Variants in HNRNPL observed in about 807,000 individuals in gnomAD.
HNRNPL encodes the protein heterogeneous nuclear ribonucleoprotein L.
Under a neutral mutation model 64.0 loss-of-function variants are expected in HNRNPL, and 12 were observed. The ratio of observed to expected loss-of-function variants is 0.19; its 90% CI spans 0.12 to 0.30. The LOEUF is 0.30. HNRNPL is among the 10% of genes least tolerant of loss of function. The pLI, the probability that HNRNPL is intolerant of heterozygous loss-of-function variation, is 1.00. For missense variants in HNRNPL, 484 were observed against 797.4 expected (o/e 0.61, Z 4.73); for synonymous variants, 385 against 313.0 (o/e 1.23, Z -2.43).
At chr19:38,849,382 T>A in intron 1 of HNRNPL, 1 of 291,596 alleles carries the variant, frequency 3.4e-6, no homozygotes, top group Non-Finnish European at 6.3e-6. Context: ...AAGAAAATGA[T>A]AAAGGGGAAA....
At chr19:38,852,142 A>G (rs1972519338), upstream of HNRNPL, among the ~76,000 whole-genome samples, 1 of 137,510 alleles carries the variant, frequency 7.3e-6, no homozygotes, top group Non-Finnish European at 1.5e-5. Context: ...CGCACGTTCC[A>G]GGCCGCCGGC....
rs1418718018 is a variant in HNRNPL at position 38,841,203 on chromosome 19, C to A, written c.881-644G>T. On this transcript the variant is annotated intron_variant, in intron 6 of 12. Coordinates refer to ENST00000221419, the MANE Select transcript of HNRNPL (RefSeq NM_001533.3). The stretch of plus-strand genomic sequence containing the variant: ...CACCCAGCAATGGCGCAGATCCACC[C>A]CGACCCCAGCAGTTCGTAATCACTG... The A allele has an allele frequency of 5.0e-5, 13 of 262,390 alleles. No individual in the cohort carries two copies. In the South Asian group the frequency reaches 5.1e-4, roughly 10 times the overall value. 16.3% of individuals were successfully genotyped at this position (262,390 alleles called of 1,614,324 possible). A position where few individuals can be genotyped will look rare whatever the true frequency, so the allele number is the denominator to read the frequency against.
At chr19:38,837,270 A>G (rs1412702874) in intron 12 of HNRNPL, 114 bp downstream of exon 12, 5 of 791,908 alleles carry the variant, frequency 6.3e-6, no homozygotes, top group Non-Finnish European at 1.1e-5. Flanking sequence ...TGTGTCACCA[A>G]CAGTGCGAAG....
chr19:38,838,055 C>A (rs1971988852), intron 10 of HNRNPL, among the ~76,000 whole-genome samples: 1 of 152,266 alleles, frequency 6.6e-6, no homozygotes, highest in Non-Finnish European at 1.5e-5. Context: ...AGGGTGATGG[C>A]ACCCGAAGCC....
chr19:38,849,573 C>G (rs1243934585), intron 1 of HNRNPL, 127 bp downstream of exon 1: 2 of 1,223,566 alleles, frequency 1.6e-6, no homozygotes, highest in East Asian at 3.2e-5. Context: ...GCCCCTCCCC[C>G]ACACCGTCAA....
chr19:38,844,165 C>A, intron 4 of HNRNPL, 61 bp from the exon 5 acceptor site: 1 of 1,122,706 alleles, frequency 8.9e-7, no homozygotes, highest in South Asian at 1.2e-5. Flanking sequence ...TCAAGTTACC[C>A]CAGAGTGTGA....
intron 1 of HNRNPL, chr19:38,849,499 C>A: frequency 1.5e-6 from 1 of 685,276 alleles, no homozygotes; most frequent in Admixed American, 4.4e-5. Flanking sequence ...CCACACCCCG[C>A]TCCGGACCCC....
intron 1 of HNRNPL, among the ~76,000 whole-genome samples, chr19:38,848,545 G>A (rs1311560575): frequency 1.3e-5 from 2 of 152,194 alleles, no homozygotes; most frequent in Non-Finnish European, 2.9e-5. Context: ...CTCTGGGGCC[G>A]GCCCCCTGTC....
In HNRNPL at chr19:38,849,728, G is replaced by C. The variant is rs1249724514; in HGVS notation, c.239C>G (p.Ala80Gly). 7.3e-7 allele frequency: 1 copy of C among 1,375,456 alleles called. No homozygotes were observed. Among genetic ancestry groups the C allele is most frequent in the Non-Finnish European group, 9.3e-7 (1 of 1,070,134 alleles). The allele number at this position is 1,375,456 out of a possible 1,614,324, so 85.2% of individuals were successfully genotyped here. ...ACCGCCGCCGCCGCCCGCCGCCCCG[G>C]CTCCTCCACCGCCACCGCCGCCGCC... ...HGGGGGGGGG[A>G]GAAGGGGGGE... is the part of the protein sequence containing the mutation. The change falls in exon 1 of 13, where the codon GCC becomes GGC. Residue 80 changes from alanine to glycine, a missense_variant. This residue lies in a region of HNRNPL where 190 missense variants were observed against 160.1 expected (regional missense o/e 1.19). Coordinates refer to ENST00000221419, the MANE Select transcript of HNRNPL (RefSeq NM_001533.3).
Position 38,838,391 on chromosome 19 carries a change from A to T in HNRNPL, c.1557+6T>A. 1 of 1,605,286 alleles carries T rather than the reference A, an allele frequency of 6.2e-7. No individual in the cohort carries two copies. The highest frequency in any genetic ancestry group is 1.3e-5 in the African/African-American group (1 of 74,900). ...CCGACTGCCTGCGCAGCTCCACGGC[A>T]CACACCTCAAAGAAGTTCTCCTCGG... is the stretch of plus-strand genomic sequence containing the variant. On this transcript the variant is annotated splice_donor_region_variant and intron_variant, in intron 10 of 12. Coordinates refer to ENST00000221419, the MANE Select transcript of HNRNPL (RefSeq NM_001533.3).
chr19:38,851,931 C>G (rs571809719), upstream of HNRNPL, among the ~76,000 whole-genome samples: 23 of 152,130 alleles, frequency 1.5e-4, no homozygotes, highest in East Asian at 4.5e-3. Context: ...GGGGCCGCGT[C>G]TGAAGCACGT....
At chr19:38,849,552 G>A (rs552892173) in intron 1 of HNRNPL, 148 bp downstream of exon 1, 5 of 1,116,356 alleles carry the variant, frequency 4.5e-6, no homozygotes, top group East Asian at 6.6e-5. Flanking sequence ...CCCGCCGTTT[G>A]CCCAACGGCC....
rs778663555 is a variant in HNRNPL at position 38,845,630 on chromosome 19, T to C, written c.710+20A>G. The C allele has an allele frequency of 1.3e-6, 2 of 1,594,996 alleles. No individual in the cohort carries two copies. The highest frequency in any genetic ancestry group is 1.7e-6 in the Non-Finnish European group (2 of 1,162,596). On this transcript the variant is annotated intron_variant, in intron 4 of 12. Transcript: ENST00000221419. ...AAGAGTCCCTACCCTAAGGAACACCTGTTTTCCAGCAAAGGATATTCCACC... is the reference window on the plus strand; with the variant it reads ...AAGAGTCCCTACCCTAAGGAACACCCGTTTTCCAGCAAAGGATATTCCACC...
At position 38,836,544 on chromosome 19, in the gene HNRNPL, G is replaced by A. The variant is rs547839569; in HGVS notation, c.*178C>T. ...TAACAGTTCCCCTCTCCCTCCCCCT[G>A]CAGATTTCCAGCGTTTCCATTAAGG... is the stretch of plus-strand genomic sequence containing the variant. On this transcript the variant is annotated 3_prime_UTR_variant, in exon 13 of 13. Coordinates refer to ENST00000221419, the MANE Select transcript of HNRNPL (RefSeq NM_001533.3). 17 of 444,406 alleles carry A rather than the reference G, an allele frequency of 3.8e-5. No individual in the cohort carries two copies. Among genetic ancestry groups the A allele is most frequent in the Non-Finnish European group, 6.2e-5 (16 of 256,218 alleles). The allele number at this position is 444,406 out of a possible 1,614,324, so 27.5% of individuals were successfully genotyped here.
chr19:38,840,555 G>T lies in HNRNPL; in HGVS notation c.885C>A (p.Asp295Glu), dbSNP rs147384264. ...GGCGTTTGTTGGGGTTGCTGCCAGG[G>T]TCACCTGTGGAGAGAGAAAACAGTT... Reference protein sequence around the residue: ...YTNPNLSGQGDPGSNPNKRQR... With the variant: ...YTNPNLSGQGEPGSNPNKRQR... Residue 295 changes from aspartate (D) to glutamate (E), a missense_variant, in exon 7 of 13, where the codon GAC becomes GAA. Around this residue, in one of 9 missense-constraint regions of HNRNPL, gnomAD observed 60 missense variants for 192.2 expected, o/e 0.31. Coordinates refer to ENST00000221419, the MANE Select transcript of HNRNPL (RefSeq NM_001533.3). 1.5e-4 allele frequency: 238 copies of T among 1,584,062 alleles called. No individual in the cohort carries two copies. The African/African-American group carries it at 3.0e-3, about 20-fold the overall frequency.
chr19:38,842,820 G>A (rs1359069389), intron 6 of HNRNPL, among the ~76,000 whole-genome samples: 1 of 152,152 alleles, frequency 6.6e-6, no homozygotes, highest in East Asian at 1.9e-4. Context: ...CCTGCCACTA[G>A]CCCCTGCCGG....
At chr19:38,839,640 GC>G in intron 8 of HNRNPL, 1 of 181,942 alleles carries the variant, frequency 5.5e-6, no homozygotes. Flanking sequence ...CTGCACAAAG[GC>G]CCCCAAGACC....
At chr19:38,841,178 C>T (rs977182491) in intron 6 of HNRNPL, 11 of 243,422 alleles carry the variant, frequency 4.5e-5, no homozygotes, top group East Asian at 1.2e-4. Flanking sequence ...GACATTCCCA[C>T]ACCCAGCAAT....
At chr19:38,849,408 G>C (rs951498792) in intron 1 of HNRNPL, 5 of 357,058 alleles carry the variant, frequency 1.4e-5, no homozygotes, top group African/African-American at 2.1e-5. Flanking sequence ...CGGCCGGGCC[G>C]CGTGCCCGGC....
Sources: allele counts gnomAD v4.1 joint callset (sites outside exome capture counted in the v4.1 genomes callset), GRCh38; gene constraint gnomAD v4.1.1; regional missense constraint gnomAD v4.1.1; transcripts MANE v1.5; gene names NCBI Gene and HGNC (gene_info 2026-07-23, HGNC 2026-07-21).